CASK: variants seen among roughly 807,000 people sequenced by gnomAD.
CASK encodes calcium/calmodulin dependent serine protein kinase.
A neutral mutation model predicts 82.9 loss-of-function variants in CASK; 4 were observed. The observed-to-expected ratio is 0.05, with a 90% CI of 0.02 to 0.11. CASK has a LOEUF of 0.11. Among genes scored for constraint, CASK ranks in the 10% least tolerant of loss-of-function variants. The probability of loss-of-function intolerance (pLI) is 1.00; values close to 1 mark genes in which losing one functional copy is unlikely to be tolerated. For missense variants in CASK, 358 were observed against 720.9 expected, an observed-to-expected ratio of 0.50 and a Z score of 5.76; for synonymous variants, 259 against 253.5, an observed-to-expected ratio of 1.02 and a Z score of -0.20.
At chrX:41,547,875 G>A (rs766101977) in intron 21 of CASK, among the ~76,000 whole-genome samples, 43 of 111,685 alleles carry the variant, frequency 3.9e-4, no homozygotes, top group African/African-American at 1.4e-3. Flanking sequence ...CGCCTGCCTC[G>A]GCCTCCCAAA....
chrX:41,686,120 C>T (rs1403789595), intron 5 of CASK, among the ~76,000 whole-genome samples: 4 of 110,780 alleles, frequency 3.6e-5, no homozygotes, highest in Admixed American at 9.6e-5. Context: ...AACGGAGTCT[C>T]GCTCTGTCAC....
At chrX:41,585,771 A>G (rs1361158126) in intron 14 of CASK, 1 of 109,999 alleles carries the variant, frequency 9.1e-6, no homozygotes, top group Non-Finnish European at 1.9e-5. Context: ...AGAAAAAGAA[A>G]AAAAGAAACA....
At chrX:41,802,215 T>G (rs1253362994) in intron 2 of CASK, among the ~76,000 whole-genome samples, 1 of 110,734 alleles carries the variant, frequency 9.0e-6, no homozygotes, top group African/African-American at 3.3e-5. Context: ...ATGAAACCTA[T>G]GAAGACAAGA....
chrX:41,542,323 C>G (rs2064957286), intron 22 of CASK, among the ~76,000 whole-genome samples: 1 of 112,665 alleles, frequency 8.9e-6, no homozygotes, highest in Non-Finnish European at 1.9e-5. Flanking sequence ...CAGGCAGGAG[C>G]CAGGCGGGAG....
At chrX:41,681,057 T>C (rs1602454054) in intron 5 of CASK, among the ~76,000 whole-genome samples, 1 of 112,510 alleles carries the variant, frequency 8.9e-6, no homozygotes, top group African/African-American at 3.2e-5. Flanking sequence ...GGTCCACTTA[T>C]ACATGGATTG....
chrX:41,791,404 C>T (rs1395151176), intron 2 of CASK, among the ~76,000 whole-genome samples: 1 of 108,350 alleles, frequency 9.2e-6, no homozygotes, highest in Non-Finnish European at 1.9e-5. Flanking sequence ...GTTTGGTTTT[C>T]CATTCCTGAG....
At chrX:41,655,540 A>G (rs1370618216) in intron 8 of CASK, among the ~76,000 whole-genome samples, 1 of 111,959 alleles carries the variant, frequency 8.9e-6, no homozygotes, top group Non-Finnish European at 1.9e-5. Flanking sequence ...CGCCCAGAAT[A>G]GTTCCATAAT....
At chrX:41,650,292 A>G (rs2066843797) in intron 8 of CASK, among the ~76,000 whole-genome samples, 1 of 111,389 alleles carries the variant, frequency 9.0e-6, no homozygotes, top group African/African-American at 3.3e-5. Context: ...TGATCCTGTC[A>G]TTATGATGTT....
intron 1 of CASK, among the ~76,000 whole-genome samples, chrX:41,894,597 T>TAAAAAAAAAAAA (rs1209248352): frequency 2.5e-5 from 1 of 40,485 alleles, no homozygotes; most frequent in Non-Finnish European, 4.6e-5. Flanking sequence ...ACCCAAATAT[T>TAAAAAAAAAAAA]AAAAAAAAAA....
At chrX:41,658,801 A>T (rs1360690340) in intron 8 of CASK, among the ~76,000 whole-genome samples, 1 of 111,732 alleles carries the variant, frequency 8.9e-6, no homozygotes, top group African/African-American at 3.3e-5. Context: ...GGATTTGAAC[A>T]CTGGACTTAG....
At chrX:41,903,587 C>CT (rs747306924) in intron 1 of CASK, among the ~76,000 whole-genome samples, 2 of 111,919 alleles carry the variant, frequency 1.8e-5, no homozygotes, top group East Asian at 5.6e-4. Flanking sequence ...TTGAGGACTC[C>CT]TAGTAGAACA....
intron 2 of CASK, among the ~76,000 whole-genome samples, chrX:41,820,437 T>G (rs2070509605): frequency 9.0e-6 from 1 of 111,103 alleles, no homozygotes; most frequent in Non-Finnish European, 1.9e-5. Flanking sequence ...CATGAGGCCC[T>G]AACAATAAAT....
chrX:41,526,347 C>T (rs1223550016), intron 25 of CASK, among the ~76,000 whole-genome samples: 5 of 111,794 alleles, frequency 4.5e-5, no homozygotes, highest in African/African-American at 1.6e-4. Flanking sequence ...TGGAAGTCCA[C>T]CCAGCCTGGA....
At chrX:41,745,710 T>A in intron 3 of CASK, 109 bp from the exon 4 acceptor site, 6 of 552,397 alleles carry the variant, frequency 1.1e-5, no homozygotes, top group Non-Finnish European at 1.9e-5. Flanking sequence ...TGCTAAGGGT[T>A]ATGTTATTTA....
At chrX:41,630,740 T>C (rs141501305) in intron 9 of CASK, among the ~76,000 whole-genome samples, 3 of 111,433 alleles carry the variant, frequency 2.7e-5, no homozygotes, top group Non-Finnish European at 3.8e-5. Flanking sequence ...ACAAAGAAAT[T>C]TGAAAGATAA....
At chrX:41,842,522 G>A (rs999417155) in intron 2 of CASK, among the ~76,000 whole-genome samples, 27 of 107,837 alleles carry the variant, frequency 2.5e-4, no homozygotes, top group African/African-American at 8.5e-4. Flanking sequence ...GCAGTGAGCC[G>A]AGATTGCACT....
chrX:41,830,548 C>T (rs779828851), intron 2 of CASK, among the ~76,000 whole-genome samples: 300 of 111,048 alleles, frequency 2.7e-3, no homozygotes, highest in African/African-American at 7.1e-3. Flanking sequence ...TGGCCGGGTG[C>T]GGTGGCTCAC....
chrX:41,752,011 A>T (rs1238476756), intron 3 of CASK, among the ~76,000 whole-genome samples: 1 of 104,447 alleles, frequency 9.6e-6, no homozygotes, highest in Non-Finnish European at 2.0e-5. Flanking sequence ...CTGTCAGTGC[A>T]CTCCAGCCTG....
intron 3 of CASK, among the ~76,000 whole-genome samples, chrX:41,754,873 G>C (rs2068862514): frequency 9.4e-6 from 1 of 106,773 alleles, no homozygotes; most frequent in South Asian, 4.0e-4. Context: ...TGCCATTTCT[G>C]ACAAGTTTTT....
Sources: allele counts gnomAD v4.1 joint callset (sites outside exome capture counted in the v4.1 genomes callset), GRCh38; gene constraint gnomAD v4.1.1; transcripts MANE v1.5; gene names NCBI Gene and HGNC (gene_info 2026-07-23, HGNC 2026-07-21).